USP32: variants seen among roughly 807,000 people sequenced by gnomAD.
The protein encoded by USP32 is ubiquitin specific peptidase 32, also known as ubiquitin carboxyl-terminal hydrolase 32.
Under a neutral mutation model 204.8 loss-of-function variants are expected in USP32, and 59 were observed. The ratio of observed to expected loss-of-function variants is 0.29; its 90% confidence interval spans 0.23 to 0.36. The LOEUF (loss-of-function observed/expected upper bound fraction) is 0.36. Among genes scored for constraint, USP32 ranks in the 10% least tolerant of loss-of-function variants. USP32 has a pLI of 1.00. For synonymous variants in USP32, 517 were observed against 678.4 expected, an observed-to-expected ratio of 0.76 and a Z score of 3.70; for missense variants, 1,160 against 1,946.4, an observed-to-expected ratio of 0.60 and a Z score of 7.60.
chr17:60,300,583 C>T lies in USP32; in HGVS notation c.292+1016G>A, dbSNP rs192933857. ...AAAAAATTAAACCTTTTACAAATAA[C>T]GTATATAAAATGTTATCAGGTAAGT... is the stretch of plus-strand genomic sequence containing the variant. On this transcript the variant is annotated intron_variant, in intron 3 of 33. Coordinates refer to ENST00000300896, the MANE Select transcript of USP32 (RefSeq NM_032582.4). Among the ~76,000 whole-genome samples the T allele has an allele frequency of 2.6e-5, 4 of 152,136 alleles. No individual in the cohort carries two copies. The East Asian group carries it at 5.8e-4, about 22-fold the overall frequency.
intron 11 of USP32, among the ~76,000 whole-genome samples, chr17:60,236,834 AATG>A (rs1272848478): frequency 1.1e-4 from 17 of 152,188 alleles, no homozygotes; most frequent in Non-Finnish European, 2.4e-4. Flanking sequence ...ATATAAATAA[AATG>A]ATAAAACACA....
At chr17:60,416,948 C>T (rs972126976) in intron 1 of USP32, among the ~76,000 whole-genome samples, 3 of 147,518 alleles carry the variant, frequency 2.0e-5, no homozygotes, top group African/African-American at 7.6e-5. Context: ...GACAGAGTCT[C>T]AATCTGTCAC....
chr17:60,192,834 G>A lies in USP32; in HGVS notation c.3521+10C>T. ...TTCTACTAAAGTAATTCTTTTGCAG[G>A]TCACTTTACCTATACCATGGGCACC... On this transcript the variant is annotated intron_variant, in intron 28 of 33. Coordinates refer to ENST00000300896, the MANE Select transcript of USP32 (RefSeq NM_032582.4). The A allele has an allele frequency of 6.2e-7, 1 of 1,613,058 alleles. No homozygotes were observed. The highest frequency in any genetic ancestry group is 8.5e-7 in the Non-Finnish European group (1 of 1,179,112).
At position 60,266,051 on chromosome 17, in the gene USP32, G is replaced by A; in HGVS notation, c.852C>T (p.Leu284=). The A allele has an allele frequency of 6.2e-7, 1 of 1,614,052 alleles. No individual in the cohort carries two copies. Among genetic ancestry groups the A allele is most frequent in the Non-Finnish European group, 8.5e-7 (1 of 1,179,978 alleles). ...KVFDVDRDGV[L]SRVELRDMVV... ...CCATGTCTCTCAGTTCAACCCTGGA[G>A]AGAACTCCATCACGGTCAACATCAA... Residue 284 remains leucine, a synonymous_variant, in exon 8 of 34, where the codon CTC becomes CTT. Coordinates refer to ENST00000300896, the MANE Select transcript of USP32 (RefSeq NM_032582.4).
chr17:60,344,128 A>ATTT (rs1223926673), intron 2 of USP32, among the ~76,000 whole-genome samples: 3,913 of 131,128 alleles, frequency 0.03, 279 homozygotes, highest in African/African-American at 0.11. Flanking sequence ...TAAAATTCCT[A>ATTT]TTTTTTTTTT....
At chr17:60,252,541 A>C (rs2086196052) in intron 10 of USP32, 99 bp from the exon 11 acceptor site, 1 of 814,164 alleles carries the variant, frequency 1.2e-6, no homozygotes, top group South Asian at 2.0e-5. Context: ...AATTAGCAAC[A>C]GTTTTCAACT....
At chr17:60,408,506 T>G (rs1458908142) in intron 1 of USP32, among the ~76,000 whole-genome samples, 1 of 152,042 alleles carries the variant, frequency 6.6e-6, no homozygotes, top group African/African-American at 2.4e-5. Context: ...GCCTCCCAAG[T>G]AGCTGGGATT....
chr17:60,388,865 G>A (rs1459737651), intron 1 of USP32, among the ~76,000 whole-genome samples: 3 of 152,172 alleles, frequency 2.0e-5, no homozygotes, highest in African/African-American at 7.2e-5. Flanking sequence ...TCACTAGACT[G>A]CCCTTCCACT....
In USP32 at chr17:60,276,096, C is replaced by T. The variant is rs530609085; in HGVS notation, c.572-4615G>A. 7.9e-5 allele frequency among the ~76,000 whole-genome samples: 12 copies of T among 152,068 alleles called. 1 individual carries two copies. In the East Asian group the frequency reaches 1.7e-3, roughly 22 times the overall value. On this transcript the variant is annotated intron_variant, in intron 5 of 33. Coordinates refer to ENST00000300896, the MANE Select transcript of USP32 (RefSeq NM_032582.4). ...GGGATCTAATTTTTAAAATATATAA[C>T]GGCTGGGCGTGGTGGCTCACACCTA... is the stretch of plus-strand genomic sequence containing the variant.
intron 4 of USP32, among the ~76,000 whole-genome samples, chr17:60,292,490 T>C (rs774795135): frequency 4.5e-4 from 68 of 152,158 alleles, no homozygotes; most frequent in Non-Finnish European, 1.3e-4. Context: ...CAGTTAGTGG[T>C]AATTCCATTC....
intron 11 of USP32, among the ~76,000 whole-genome samples, chr17:60,250,947 TTC>T (rs1370496173): frequency 6.6e-6 from 1 of 151,634 alleles, no homozygotes; most frequent in Non-Finnish European, 1.5e-5. Context: ...TTCCTTTCTT[TTC>T]TTTTTTTTTT....
intron 27 of USP32, among the ~76,000 whole-genome samples, chr17:60,194,807 A>G (rs1311133653): frequency 1.3e-5 from 2 of 152,148 alleles, no homozygotes; most frequent in African/African-American, 4.8e-5. Context: ...TTATTCGAAC[A>G]TCCCTATTCT....
intron 2 of USP32, among the ~76,000 whole-genome samples, chr17:60,304,674 T>G (rs1010041130): frequency 2.0e-5 from 3 of 152,178 alleles, no homozygotes; most frequent in Admixed American, 6.6e-5. Context: ...AAGTATACTG[T>G]TGTATAGTAC....
chr17:60,308,905 G>A (rs2087791027), intron 2 of USP32, among the ~76,000 whole-genome samples: 1 of 152,194 alleles, frequency 6.6e-6, no homozygotes, highest in Non-Finnish European at 1.5e-5. Flanking sequence ...CTCTAGCCTG[G>A]TGACAGAGCA....
chr17:60,354,968 C>G lies in USP32; in HGVS notation c.59-9360G>C, dbSNP rs866499326. Among the ~76,000 whole-genome samples the G allele has an allele frequency of 2.0e-5, 3 of 152,268 alleles. No individual in the cohort carries two copies. The South Asian group carries it at 6.2e-4, about 32-fold the overall frequency. The stretch of plus-strand genomic sequence containing the variant: ...CTGAGGCAGGAGAATCACTTGAACC[C>G]AGGAGGTGGAAGTTGCAGTGAGCCG... On this transcript the variant is annotated intron_variant, in intron 1 of 33. Transcript: ENST00000300896.
chr17:60,404,863 A>G (rs1206743342), intron 1 of USP32, among the ~76,000 whole-genome samples: 1 of 152,168 alleles, frequency 6.6e-6, no homozygotes, highest in Non-Finnish European at 1.5e-5. Flanking sequence ...AGGAGTAATC[A>G]CTACTAAATG....
intron 29 of USP32, among the ~76,000 whole-genome samples, chr17:60,187,302 T>C (rs542485571): frequency 2.0e-4 from 31 of 152,322 alleles, no homozygotes; most frequent in African/African-American, 7.5e-4. Flanking sequence ...AAAGAGCTCA[T>C]TTAAAAAGGG....
At chr17:60,300,679 C>A (rs572623359) in intron 3 of USP32, among the ~76,000 whole-genome samples, 3 of 152,106 alleles carry the variant, frequency 2.0e-5, no homozygotes, top group Non-Finnish European at 4.4e-5. Flanking sequence ...AAAATAAGTT[C>A]TATTGAGACA....
At chr17:60,315,474 A>G (rs994391422) in intron 2 of USP32, among the ~76,000 whole-genome samples, 2 of 152,222 alleles carry the variant, frequency 1.3e-5, no homozygotes, top group African/African-American at 4.8e-5. Flanking sequence ...TGCAACATCT[A>G]TACACTGTTG....
Sources: allele counts gnomAD v4.1 joint callset (sites outside exome capture counted in the v4.1 genomes callset), GRCh38; gene constraint gnomAD v4.1.1; transcripts MANE v1.5; gene names NCBI Gene and HGNC (gene_info 2026-07-23, HGNC 2026-07-21).